The following GALNT10 variants were observed in gnomAD, a reference collection of about 807,000 sequenced individuals.
The protein encoded by GALNT10 is polypeptide N-acetylgalactosaminyltransferase 10.
A neutral mutation model predicts 75.0 loss-of-function variants in GALNT10; 41 were observed. The ratio of observed to expected loss-of-function variants is 0.55; its 90% CI spans 0.43 to 0.71. GALNT10 has a LOEUF of 0.71. GALNT10 is among the 30% of genes least tolerant of loss of function. The pLI is 0.00. For synonymous variants in GALNT10, 302 were observed against 313.0 expected, an observed-to-expected ratio of 0.96 and a Z score of 0.37; for missense variants, 727 against 818.5, an observed-to-expected ratio of 0.89 and a Z score of 1.36.
chr5:154,404,011 T>C (rs1241446975), intron 7 of GALNT10, 93 bp from the exon 8 acceptor site: 1 of 926,778 alleles, frequency 1.1e-6, no homozygotes, highest in South Asian at 1.3e-5. Context: ...TCCAGGCTGA[T>C]GCTTTTGCTG....
At chr5:154,407,891 C>A (rs1485286083) in intron 8 of GALNT10, among the ~76,000 whole-genome samples, 2 of 152,162 alleles carry the variant, frequency 1.3e-5, no homozygotes, top group African/African-American at 4.8e-5. Context: ...TCAGAGCCAG[C>A]AAAATGGGGG....
intron 1 of GALNT10, among the ~76,000 whole-genome samples, chr5:154,208,829 A>G (rs1016282182): frequency 1.3e-5 from 2 of 152,210 alleles, no homozygotes; most frequent in Non-Finnish European, 2.9e-5. Flanking sequence ...ACTCTAAAGA[A>G]TATAGGAATG....
At position 154,352,912 on chromosome 5, in the gene GALNT10, A is replaced by G. The variant is rs1056470780; in HGVS notation, c.568+23174A>G. Among the ~76,000 whole-genome samples the G allele has an allele frequency of 1.3e-5, 2 of 152,178 alleles. No individual in the cohort carries two copies. The highest frequency in any genetic ancestry group is 2.9e-5 in the Non-Finnish European group (2 of 68,036). On this transcript the variant is annotated intron_variant, in intron 4 of 11. Transcript: ENST00000297107. The surrounding 1 kb of genome is among the most constrained non-coding windows in gnomAD (Gnocchi z 4.4). ...GTGGACAAAGATGCAAACTTTTTAC[A>G]TAGAATGCAATTTCCTTCTGTCTCA... is the stretch of plus-strand genomic sequence containing the variant.
chr5:154,238,942 T>C (rs901681740), intron 1 of GALNT10, among the ~76,000 whole-genome samples: 2 of 152,196 alleles, frequency 1.3e-5, no homozygotes, highest in Non-Finnish European at 2.9e-5. Context: ...GTTCTGTTAT[T>C]TTCCTCCTTG....
intron 1 of GALNT10, chr5:154,287,564 C>G (rs12514791): frequency 6.6e-6 from 1 of 151,964 alleles, no homozygotes; most frequent in Non-Finnish European, 1.5e-5. Context: ...TTTATCTGTA[C>G]AGCTTTCAAG....
At chr5:154,230,938 G>A (rs1470758) in intron 1 of GALNT10, among the ~76,000 whole-genome samples, 101,086 of 152,154 alleles carry the variant, frequency 0.66, 33,999 homozygotes, top group East Asian at 0.85. Context: ...CTTATTTGAC[G>A]TTTTTTGTTC....
chr5:154,210,329 T>C (rs1361618699), intron 1 of GALNT10, among the ~76,000 whole-genome samples: 2 of 152,052 alleles, frequency 1.3e-5, no homozygotes, highest in African/African-American at 4.8e-5. Context: ...TTACCTACCG[T>C]GCACACAAGT....
Position 154,416,736 on chromosome 5 carries a change from ATTGCTGGTATTG to A in GALNT10, c.1654-71_1654-60del. On this transcript the variant is annotated intron_variant, in intron 11 of 11. Coordinates refer to ENST00000297107, the MANE Select transcript of GALNT10 (RefSeq NM_198321.4). This position sits in a 1 kb window ranked among gnomAD's most constrained non-coding sequence, Gnocchi z 4.5. ...CAGTCAGTCACTTCCTCACTTTCTC[ATTGCTGGTATTG>A]TTGCTGTGGTTTGACTGGCCACATG... The A allele has an allele frequency of 9.8e-7, 1 of 1,016,444 alleles. No individual in the cohort carries two copies. Among genetic ancestry groups the A allele is most frequent in the Non-Finnish European group, 1.5e-6 (1 of 647,698 alleles). The allele number at this position is 1,016,444 out of a possible 1,614,324, so 63.0% of individuals were successfully genotyped here. A position where few individuals can be genotyped will look rare whatever the true frequency, so the allele number is the denominator to read the frequency against.
In GALNT10 at chr5:154,190,799, G is replaced by C. The variant is rs1427069605; in HGVS notation, c.-68G>C. ...GAGCTGCTGCCGCCGCCGGGCGGAC[G>C]GGCGGACGCGCGGAGCTGGGGGCGG... is the stretch of plus-strand genomic sequence containing the variant. On this transcript the variant is annotated 5_prime_UTR_variant, in exon 1 of 12. Coordinates refer to ENST00000297107, the MANE Select transcript of GALNT10 (RefSeq NM_198321.4). The C allele has an allele frequency of 1.7e-5, 14 of 847,892 alleles. No homozygotes were observed. Among genetic ancestry groups the C allele is most frequent in the Admixed American group, 1.2e-4 (2 of 16,382 alleles). 52.5% of individuals were successfully genotyped at this position (847,892 alleles called of 1,614,324 possible). A position where few individuals can be genotyped will look rare whatever the true frequency, so the allele number is the denominator to read the frequency against.
chr5:154,226,411 C>A (rs761851802), intron 1 of GALNT10, among the ~76,000 whole-genome samples: 1 of 152,112 alleles, frequency 6.6e-6, no homozygotes, highest in Non-Finnish European at 1.5e-5. Flanking sequence ...GCAAACTCTC[C>A]ATGTTTGCTT....
chr5:154,290,384 C>T (rs530325982), intron 1 of GALNT10, among the ~76,000 whole-genome samples: 75 of 149,696 alleles, frequency 5.0e-4, no homozygotes, highest in East Asian at 9.9e-4. Flanking sequence ...ATTGGGATTA[C>T]AGGCGTAAGC....
intron 1 of GALNT10, among the ~76,000 whole-genome samples, chr5:154,282,113 T>G (rs1754046839): frequency 1.3e-5 from 2 of 152,234 alleles, no homozygotes; most frequent in Admixed American, 6.5e-5. Flanking sequence ...GCTTTCTTGC[T>G]GCGATATAAG....
chr5:154,388,919 G>C (rs1439718654), intron 7 of GALNT10: 1 of 149,110 alleles, frequency 6.7e-6, no homozygotes, highest in Non-Finnish European at 1.5e-5. Context: ...AAGAAAGAGA[G>C]AGAGAGAAGG....
At chr5:154,342,848 A>G (rs1247408037) in intron 4 of GALNT10, among the ~76,000 whole-genome samples, 1 of 152,228 alleles carries the variant, frequency 6.6e-6, no homozygotes, top group Non-Finnish European at 1.5e-5. Flanking sequence ...AAACAGTCAT[A>G]TATTCCAATT....
At chr5:154,254,208 G>A (rs1008294835) in intron 1 of GALNT10, among the ~76,000 whole-genome samples, 2 of 152,166 alleles carry the variant, frequency 1.3e-5, no homozygotes, top group African/African-American at 4.8e-5. Context: ...TCATAGGGAT[G>A]CCTTGTTAGC....
At chr5:154,278,776 A>G (rs1753991763) in intron 1 of GALNT10, among the ~76,000 whole-genome samples, 1 of 152,204 alleles carries the variant, frequency 6.6e-6, no homozygotes, top group East Asian at 1.9e-4. Context: ...TAGGTACCTC[A>G]TATAAGTGGA....
chr5:154,265,867 C>T (rs915975784), intron 1 of GALNT10, among the ~76,000 whole-genome samples: 3 of 151,422 alleles, frequency 2.0e-5, no homozygotes, highest in Non-Finnish European at 2.9e-5. Context: ...TTTGCAGTCA[C>T]CTGGAGTTTT....
chr5:154,246,452 A>G (rs1290243619), intron 1 of GALNT10, among the ~76,000 whole-genome samples: 1 of 152,168 alleles, frequency 6.6e-6, no homozygotes. Context: ...CTATTTCTCC[A>G]CATCCTCTCC....
chr5:154,416,804 T>C lies in GALNT10; in HGVS notation c.1654-10T>C, dbSNP rs765017448. On this transcript the variant is annotated splice_polypyrimidine_tract_variant and intron_variant, in intron 11 of 11. Transcript: ENST00000297107. This position sits in a 1 kb window ranked among gnomAD's most constrained non-coding sequence, Gnocchi z 4.5. ...AGTGCTGTCTGGCTTATTACCTCCA[T>C]GTTTTGTAGGACAAGACCCTGTACC... is the stretch of plus-strand genomic sequence containing the variant. The C allele has an allele frequency of 1.2e-6, 2 of 1,608,772 alleles. No homozygotes were observed. The highest frequency in any genetic ancestry group is 4.5e-5 in the East Asian group (2 of 44,870).
Sources: gnomAD v4.1 joint callset for allele counts (sites outside exome capture counted in the v4.1 genomes callset) on GRCh38, gnomAD v4.1.1 for gene constraint, Gnocchi (gnomAD v3.1) non-coding constraint, MANE v1.5 for transcripts, NCBI Gene and HGNC (gene_info 2026-07-23, HGNC 2026-07-21) for gene names.